MARCHF1: variants seen among roughly 807,000 people sequenced by gnomAD.
MARCHF1 encodes the protein membrane associated ring-CH-type finger 1.
In MARCHF1, 40 loss-of-function variants were observed where a neutral mutation model predicts 54.2. The ratio of observed to expected loss-of-function variants is 0.74; its 90% CI spans 0.57 to 0.96. The LOEUF (loss-of-function observed/expected upper bound fraction) is 0.96. Among genes scored for constraint, MARCHF1 ranks in the 40% least tolerant of loss-of-function variants. MARCHF1 has a pLI of 0.00. For synonymous variants in MARCHF1, 236 were observed against 236.3 expected (o/e 1.00, Z 0.01); for missense variants, 586 against 656.5 (o/e 0.89, Z 1.17).
chr4:163,657,598 G>A (rs191862595), intron 5 of MARCHF1, among the ~76,000 whole-genome samples: 16 of 152,152 alleles, frequency 1.1e-4, no homozygotes, highest in African/African-American at 3.6e-4. Flanking sequence ...AGCTCATATA[G>A]CCAAGACAAT....
intron 4 of MARCHF1, among the ~76,000 whole-genome samples, chr4:163,829,484 C>A (rs1422507853): frequency 2.0e-5 from 3 of 152,064 alleles, no homozygotes. Flanking sequence ...TTAATATATG[C>A]CAATTTAAGT....
intron 2 of MARCHF1, among the ~76,000 whole-genome samples, chr4:164,088,825 C>A (rs1426124703): frequency 1.3e-5 from 2 of 151,970 alleles, no homozygotes; most frequent in African/African-American, 4.8e-5. Context: ...ATCATAAAAC[C>A]AGAACAATAG....
At chr4:164,187,751 T>C (rs913235630) in intron 1 of MARCHF1, among the ~76,000 whole-genome samples, 2 of 152,142 alleles carry the variant, frequency 1.3e-5, no homozygotes, top group Admixed American at 6.5e-5. Flanking sequence ...AAATAAAGCA[T>C]AGCCTTTAAA....
chr4:164,379,173 A>G (rs1731291429), intron 1 of MARCHF1, among the ~76,000 whole-genome samples: 1 of 152,112 alleles, frequency 6.6e-6, no homozygotes. Flanking sequence ...AAACAGATAA[A>G]TTGGAATCTA....
intron 4 of MARCHF1, among the ~76,000 whole-genome samples, chr4:163,786,612 T>A (rs920983659): frequency 1.3e-5 from 2 of 151,924 alleles, no homozygotes; most frequent in African/African-American, 2.4e-5. Flanking sequence ...CCTGGAAAAT[T>A]AAATGTTAGA....
chr4:163,813,052 T>C (rs959824578), intron 4 of MARCHF1, among the ~76,000 whole-genome samples: 8 of 152,096 alleles, frequency 5.3e-5, no homozygotes, highest in African/African-American at 1.9e-4. Flanking sequence ...GCTTTGTGGA[T>C]TTAGGAATTA....
rs148565267 is a variant in MARCHF1, at chr4:164,098,061, A to C, written c.-248+13527T>G. Reference sequence around the variant, plus strand: ...GGGATATCTTTATCATTAAGGTAGAAAGCAGTGATAAGTGAGAGCTGACAT... The same window carrying C: ...GGGATATCTTTATCATTAAGGTAGACAGCAGTGATAAGTGAGAGCTGACAT... On this transcript the variant is annotated intron_variant, in intron 2 of 9. Coordinates refer to ENST00000514618, the MANE Select transcript of MARCHF1 (RefSeq NM_001394959.1). Among the ~76,000 whole-genome samples, 142 of 152,264 alleles carry C rather than the reference A, an allele frequency of 9.3e-4. 4 individuals are homozygous for C. In the East Asian group the frequency reaches 0.026, roughly 28 times the overall value.
At chr4:163,719,341 C>G (rs1430010770) in intron 4 of MARCHF1, among the ~76,000 whole-genome samples, 11 of 152,134 alleles carry the variant, frequency 7.2e-5, no homozygotes, top group African/African-American at 2.7e-4. Flanking sequence ...TCATCCATGT[C>G]CCTACAAAGG....
At chr4:163,909,899 ACAAT>A (rs1185533693) in intron 3 of MARCHF1, among the ~76,000 whole-genome samples, 2 of 152,204 alleles carry the variant, frequency 1.3e-5, no homozygotes, top group African/African-American at 4.8e-5. Context: ...GCTATCCTCA[ACAAT>A]CAGTACATTG....
intron 2 of MARCHF1, among the ~76,000 whole-genome samples, chr4:164,057,351 T>A (rs6536785): frequency 0.81 from 123,187 of 152,160 alleles, 50,293 homozygotes; most frequent in Non-Finnish European, 0.85. Context: ...AGAAGTTTCA[T>A]TAAAATTTCA....
At chr4:163,773,496 T>C (rs1214395919) in intron 4 of MARCHF1, among the ~76,000 whole-genome samples, 1 of 152,200 alleles carries the variant, frequency 6.6e-6, no homozygotes, top group Non-Finnish European at 1.5e-5. Flanking sequence ...ATCACTTCCA[T>C]GGGCTATAAG....
intron 1 of MARCHF1, among the ~76,000 whole-genome samples, chr4:164,237,705 G>T (rs1407954274): frequency 1.3e-5 from 2 of 151,638 alleles, no homozygotes; most frequent in African/African-American, 4.8e-5. Context: ...GCACTTAAAC[G>T]ATCCCCCCAA....
At chr4:163,798,871 C>T (rs1476260946) in intron 4 of MARCHF1, among the ~76,000 whole-genome samples, 1 of 151,968 alleles carries the variant, frequency 6.6e-6, no homozygotes, top group African/African-American at 2.4e-5. Flanking sequence ...ACATATTGAG[C>T]TACAAGAAGA....
chr4:164,013,608 A>G (rs548265546), intron 2 of MARCHF1, among the ~76,000 whole-genome samples: 9 of 152,298 alleles, frequency 5.9e-5, no homozygotes, highest in African/African-American at 1.7e-4. Context: ...CTCAAAGGTC[A>G]AGGATACAGA....
At chr4:163,577,041 G>A (rs1342626295) in intron 8 of MARCHF1, among the ~76,000 whole-genome samples, 2 of 151,810 alleles carry the variant, frequency 1.3e-5, no homozygotes, top group South Asian at 2.1e-4. Context: ...TTTTAAGTGG[G>A]GCATTTAGAC....
chr4:163,756,896 T>A (rs1299168811), intron 4 of MARCHF1, among the ~76,000 whole-genome samples: 1 of 151,900 alleles, frequency 6.6e-6, no homozygotes, highest in Admixed American at 6.6e-5. Context: ...AGCCAGGATA[T>A]GAGAAAAAAA....
chr4:163,962,871 C>G lies in MARCHF1; in HGVS notation c.-39+25630G>C, dbSNP rs910958031. Among the ~76,000 whole-genome samples, 101 of 151,844 alleles carry G rather than the reference C, an allele frequency of 6.7e-4. 1 individual carries two copies. Among genetic ancestry groups the G allele is most frequent in the Non-Finnish European group, 1.5e-5 (1 of 67,854 alleles). ...GTTTTATTTTGCTTCTTTGGTAAAA[C>G]TTCAATGACTTTTATATAAGGACAT... On this transcript the variant is annotated intron_variant, in intron 3 of 9. Coordinates refer to ENST00000514618, the MANE Select transcript of MARCHF1 (RefSeq NM_001394959.1).
At chr4:164,200,264 G>C (rs1375230513) in intron 1 of MARCHF1, among the ~76,000 whole-genome samples, 1 of 152,198 alleles carries the variant, frequency 6.6e-6, no homozygotes, top group South Asian at 2.1e-4. Flanking sequence ...CAAGATGCAA[G>C]ATATCATTGT....
At chr4:164,100,344 A>G (rs1011912139) in intron 2 of MARCHF1, among the ~76,000 whole-genome samples, 6 of 152,226 alleles carry the variant, frequency 3.9e-5, no homozygotes, top group African/African-American at 1.2e-4. Flanking sequence ...GGTATGTGGT[A>G]TATCTCCAAC....
Sources: gnomAD v4.1 joint callset for allele counts (sites outside exome capture counted in the v4.1 genomes callset) on GRCh38, gnomAD v4.1.1 for gene constraint, MANE v1.5 for transcripts, NCBI Gene and HGNC (gene_info 2026-07-23, HGNC 2026-07-21) for gene names.